The following SLC24A2 variants were observed in gnomAD, a reference collection of about 807,000 sequenced individuals.
SLC24A2 encodes solute carrier family 24 member 2.
Under a neutral mutation model 62.0 loss-of-function variants are expected in SLC24A2, and 36 were observed. That is an observed-to-expected ratio of 0.58 (90% CI 0.44 to 0.77). The LOEUF (loss-of-function observed/expected upper bound fraction) is 0.77, where lower values mean the gene tolerates loss of function less well. Ranked by LOEUF, SLC24A2 falls within the 30% of genes least tolerant of loss-of-function variation. The pLI, the probability that SLC24A2 is intolerant of heterozygous loss-of-function variation, is 0.00. For synonymous variants in SLC24A2, 358 were observed against 294.0 expected (o/e 1.22, Z -2.23); for missense variants, 846 against 817.9 (o/e 1.03, Z -0.42).
At chr9:19,760,122 A>C (rs1387021334) in intron 2 of SLC24A2, among the ~76,000 whole-genome samples, 2 of 152,112 alleles carry the variant, frequency 1.3e-5, no homozygotes, top group Non-Finnish European at 2.9e-5. Context: ...AGAAACAAAA[A>C]GACAGCTTCT....
chr9:19,513,178 A>ATATATT lies in SLC24A2; in HGVS notation c.*2974_*2975insAATATA, dbSNP rs1449953420. ...GATATATATATATATATATATATGTATATATATATATATGTATATATTTAT... is the reference window on the plus strand; with the variant it reads ...GATATATATATATATATATATATGTATATATTTATATATATATATGTATATATTTAT... On this transcript the variant is annotated 3_prime_UTR_variant, in exon 11 of 11. Transcript: ENST00000341998. 9.2e-6 allele frequency: 1 copy of ATATATT among 108,218 alleles called. No individual in the cohort carries two copies. Among genetic ancestry groups the ATATATT allele is most frequent in the Non-Finnish European group, 2.0e-5 (1 of 51,168 alleles). 6.7% of individuals were successfully genotyped at this position (108,218 alleles called of 1,614,324 possible).
In SLC24A2 at chr9:19,666,922, T is replaced by C. The variant is rs117519400; in HGVS notation, c.931-44623A>G. Among the ~76,000 whole-genome samples the C allele has an allele frequency of 6.5e-3, 990 of 152,352 alleles. 4 individuals are homozygous for C. Among genetic ancestry groups the C allele is most frequent in the Non-Finnish European group, 9.6e-3 (651 of 68,030 alleles). ...ACAAGTGCTATTTATGTGTACATTA[T>C]CAGAGCTACACAAACAATAATTCTT... On this transcript the variant is annotated intron_variant, in intron 2 of 10. Coordinates refer to ENST00000341998, the MANE Select transcript of SLC24A2 (RefSeq NM_020344.4).
At chr9:20,105,686 C>A in the SLC24A2 span, among the ~76,000 whole-genome samples, 1 of 151,746 alleles carries the variant, frequency 6.6e-6, no homozygotes, top group Non-Finnish European at 1.5e-5. Flanking sequence ...ATCTCCGGGA[C>A]GCATTCAAAG....
the SLC24A2 span, among the ~76,000 whole-genome samples, chr9:19,800,964 C>T: frequency 2.5e-4 from 38 of 152,356 alleles, no homozygotes; most frequent in African/African-American, 8.4e-4. Context: ...GGTGAGTCTA[C>T]CTTATATGTA....
the SLC24A2 span, among the ~76,000 whole-genome samples, chr9:20,025,080 A>G: frequency 4.6e-5 from 7 of 152,286 alleles, no homozygotes; most frequent in Non-Finnish European, 8.8e-5. Context: ...TTCCATAGAT[A>G]TTATGGAAAT....
At chr9:19,866,051 C>A in the SLC24A2 span, among the ~76,000 whole-genome samples, 1 of 152,196 alleles carries the variant, frequency 6.6e-6, no homozygotes, top group South Asian at 2.1e-4. Context: ...TTAGAATGGA[C>A]CTTTCTCAAA....
At chr9:20,105,315 C>T in the SLC24A2 span, among the ~76,000 whole-genome samples, 1 of 152,254 alleles carries the variant, frequency 6.6e-6, no homozygotes, top group Middle Eastern at 3.4e-3. Flanking sequence ...CAAGGATACC[C>T]AGGAATCGAA....
chr9:19,912,314 C>T, the SLC24A2 span, among the ~76,000 whole-genome samples: 1 of 152,102 alleles, frequency 6.6e-6, no homozygotes, highest in South Asian at 2.1e-4. Context: ...AGATGTTATC[C>T]CATGGATAGT....
chr9:20,163,200 T>G, the SLC24A2 span, among the ~76,000 whole-genome samples: 2 of 152,176 alleles, frequency 1.3e-5, no homozygotes, highest in African/African-American at 4.8e-5. Flanking sequence ...TGTCCCTGTT[T>G]GCAGATGACA....
the SLC24A2 span, among the ~76,000 whole-genome samples, chr9:19,975,218 G>T: frequency 6.6e-6 from 1 of 152,036 alleles, no homozygotes; most frequent in Non-Finnish European, 1.5e-5. Flanking sequence ...GCTTTTTTGG[G>T]CTCCCTTACT....
the SLC24A2 span, among the ~76,000 whole-genome samples, chr9:20,302,574 G>T: frequency 2.0e-5 from 3 of 152,094 alleles, no homozygotes; most frequent in African/African-American, 7.2e-5. Context: ...TTCTAATCAG[G>T]TTATTTTCAT....
At chr9:20,035,699 G>A in the SLC24A2 span, among the ~76,000 whole-genome samples, 9 of 152,188 alleles carry the variant, frequency 5.9e-5, no homozygotes, top group Admixed American at 5.9e-4. Context: ...CGTCCAGGCT[G>A]CAGTGAGCCA....
chr9:20,108,347 G>C, the SLC24A2 span, among the ~76,000 whole-genome samples: 3 of 151,940 alleles, frequency 2.0e-5, no homozygotes, highest in Non-Finnish European at 4.4e-5. Flanking sequence ...CCCATTACTG[G>C]GTATATACCC....
chr9:19,980,850 C>A, the SLC24A2 span, among the ~76,000 whole-genome samples: 8 of 152,262 alleles, frequency 5.3e-5, no homozygotes, highest in African/African-American at 1.7e-4. Context: ...AAGTGCTTAA[C>A]TAGTTTCTCC....
chr9:20,103,072 C>T, the SLC24A2 span, among the ~76,000 whole-genome samples: 846 of 152,320 alleles, frequency 5.6e-3, 7 homozygotes, highest in African/African-American at 0.019. Context: ...GAGTGTCCTA[C>T]GCCCACGGAG....
At chr9:19,892,527 C>T in the SLC24A2 span, among the ~76,000 whole-genome samples, 1 of 152,178 alleles carries the variant, frequency 6.6e-6, no homozygotes, top group Non-Finnish European at 1.5e-5. Flanking sequence ...ATTCAACCAA[C>T]AAATGTAATT....
the SLC24A2 span, among the ~76,000 whole-genome samples, chr9:19,921,611 T>G: frequency 6.6e-6 from 1 of 152,032 alleles, no homozygotes; most frequent in African/African-American, 2.4e-5. Context: ...ATAAACCTCA[T>G]TTTTCATGCA....
At chr9:20,099,784 T>C in the SLC24A2 span, among the ~76,000 whole-genome samples, 2 of 152,170 alleles carry the variant, frequency 1.3e-5, no homozygotes, top group Non-Finnish European at 2.9e-5. Flanking sequence ...TTTTATTTTG[T>C]AGAAAATAGC....
intron 2 of SLC24A2, among the ~76,000 whole-genome samples, chr9:19,770,832 A>G (rs1822664578): frequency 6.6e-6 from 1 of 152,234 alleles, no homozygotes. Flanking sequence ...ATAGCACATT[A>G]CAAATACTTA....
Sources: allele counts gnomAD v4.1 joint callset (sites outside exome capture counted in the v4.1 genomes callset), GRCh38; gene constraint gnomAD v4.1.1; transcripts MANE v1.5; gene names NCBI Gene and HGNC (gene_info 2026-07-23, HGNC 2026-07-21).